HMGCLL1: variants seen among roughly 807,000 people sequenced by gnomAD.
The protein encoded by HMGCLL1 is 3-hydroxy-3-methylglutaryl-CoA lyase like 1.
Under a neutral mutation model 39.1 loss-of-function variants are expected in HMGCLL1, and 36 were observed. That is an observed-to-expected ratio of 0.92 (90% CI 0.71 to 1.22). The LOEUF (loss-of-function observed/expected upper bound fraction) is 1.22, where lower values mean the gene tolerates loss of function less well. HMGCLL1 is among the 50% of genes most tolerant of loss of function. The pLI is 0.00. For missense variants in HMGCLL1, 451 were observed against 416.5 expected (o/e 1.08, Z -0.72); for synonymous variants, 149 against 144.0 (o/e 1.03, Z -0.25).
intron 7 of HMGCLL1, among the ~76,000 whole-genome samples, chr6:55,459,910 T>A (rs1259839286): frequency 6.6e-6 from 1 of 152,038 alleles, no homozygotes; most frequent in Non-Finnish European, 1.5e-5. Flanking sequence ...TATGTTTGTA[T>A]TTTGGTTACA....
intron 3 of HMGCLL1, among the ~76,000 whole-genome samples, chr6:55,539,093 T>C (rs1171206274): frequency 6.6e-6 from 1 of 152,178 alleles, no homozygotes; most frequent in Non-Finnish European, 1.5e-5. Context: ...GGTAAAGTGC[T>C]ATATGGACAA....
chr6:55,640,272 A>G, the HMGCLL1 span, among the ~76,000 whole-genome samples: 11,987 of 152,150 alleles, frequency 0.079, 676 homozygotes, highest in East Asian at 0.23. Flanking sequence ...CAAATAACAA[A>G]CAAACTAAAT....
intron 1 of HMGCLL1, among the ~76,000 whole-genome samples, chr6:55,555,627 A>G (rs780232001): frequency 6.6e-5 from 10 of 152,240 alleles, no homozygotes; most frequent in Non-Finnish European, 1.5e-4. Flanking sequence ...CAGATTTCAA[A>G]GAAGCGATGA....
the HMGCLL1 span, among the ~76,000 whole-genome samples, chr6:55,609,694 T>G: frequency 6.6e-6 from 1 of 152,146 alleles, no homozygotes; most frequent in Admixed American, 6.5e-5. Context: ...CTTCATTAAA[T>G]GGGTCCTTGT....
At chr6:55,598,382 T>C in the HMGCLL1 span, among the ~76,000 whole-genome samples, 1 of 152,312 alleles carries the variant, frequency 6.6e-6, no homozygotes, top group South Asian at 2.1e-4. Flanking sequence ...ATGCCAACAG[T>C]AGTTGAAACC....
intron 3 of HMGCLL1, among the ~76,000 whole-genome samples, chr6:55,526,224 G>A (rs1013999499): frequency 4.0e-5 from 6 of 151,856 alleles, no homozygotes; most frequent in Non-Finnish European, 8.8e-5. Context: ...AATGTCTGCA[G>A]CATTATGCCC....
At chr6:55,477,265 T>A (rs1244091013) in intron 7 of HMGCLL1, among the ~76,000 whole-genome samples, 1 of 21,334 alleles carries the variant, frequency 4.7e-5, no homozygotes, top group Non-Finnish European at 6.3e-5. Context: ...ATATATATTA[T>A]ATAATATATA....
At chr6:55,553,438 C>T (rs186547348) in intron 1 of HMGCLL1, among the ~76,000 whole-genome samples, 60 of 149,204 alleles carry the variant, frequency 4.0e-4, no homozygotes, top group Non-Finnish European at 5.9e-4. Context: ...ACTCCGTCTC[C>T]AAAGAAAAAA....
chr6:55,642,480 G>A, the HMGCLL1 span, among the ~76,000 whole-genome samples: 4 of 152,094 alleles, frequency 2.6e-5, no homozygotes, highest in East Asian at 3.9e-4. Context: ...TTATGGGTAT[G>A]TATAGGCATA....
chr6:55,475,693 T>C (rs1029055331), intron 7 of HMGCLL1, among the ~76,000 whole-genome samples: 3 of 151,708 alleles, frequency 2.0e-5, no homozygotes, highest in Admixed American at 1.3e-4. Flanking sequence ...ACTGTTAGCC[T>C]TTCTCATGTG....
At chr6:55,647,838 A>G in the HMGCLL1 span, among the ~76,000 whole-genome samples, 1 of 115,202 alleles carries the variant, frequency 8.7e-6, no homozygotes, top group Non-Finnish European at 1.7e-5. Flanking sequence ...TTACATATGT[A>G]TACATGTGCC....
chr6:55,450,193 A>G (rs554395749), intron 7 of HMGCLL1, among the ~76,000 whole-genome samples: 2 of 152,228 alleles, frequency 1.3e-5, no homozygotes, highest in Non-Finnish European at 2.9e-5. Flanking sequence ...TACCACAGTG[A>G]TGAGTGCAAC....
intron 7 of HMGCLL1, among the ~76,000 whole-genome samples, chr6:55,450,175 C>T (rs4490651): frequency 0.99 from 151,338 of 152,290 alleles, 75,209 homozygotes; most frequent in Middle Eastern, 1. Context: ...AACGTTTCTC[C>T]AAATACATAC....
the HMGCLL1 span, among the ~76,000 whole-genome samples, chr6:55,674,745 T>C: frequency 6.6e-6 from 1 of 152,000 alleles, no homozygotes; most frequent in Non-Finnish European, 1.5e-5. Flanking sequence ...AATTCAGGGC[T>C]TAGGGCTTTT....
chr6:55,524,996 AT>A (rs1768241065), intron 3 of HMGCLL1, among the ~76,000 whole-genome samples: 1 of 151,602 alleles, frequency 6.6e-6, no homozygotes, highest in African/African-American at 2.4e-5. Flanking sequence ...AATTAATATT[AT>A]CTGTTATAGA....
intron 3 of HMGCLL1, among the ~76,000 whole-genome samples, chr6:55,516,940 G>C (rs185803577): frequency 7.9e-5 from 12 of 152,100 alleles, no homozygotes; most frequent in Non-Finnish European, 5.9e-5. Flanking sequence ...ACTGGGGAAA[G>C]TTGGAAAGGC....
chr6:55,659,671 T>G, the HMGCLL1 span, among the ~76,000 whole-genome samples: 104 of 152,050 alleles, frequency 6.8e-4, no homozygotes, highest in African/African-American at 2.4e-3. Context: ...AAAATTCTCA[T>G]GTTTTTTGAT....
chr6:55,530,061 T>A (rs1768563754), intron 3 of HMGCLL1, among the ~76,000 whole-genome samples: 1 of 95,850 alleles, frequency 1.0e-5, no homozygotes, highest in South Asian at 3.3e-4. Flanking sequence ...ACCTGGAGGA[T>A]CTGGTGGGGG....
chr6:55,471,417 G>A (rs183251363), intron 7 of HMGCLL1, among the ~76,000 whole-genome samples: 3 of 151,684 alleles, frequency 2.0e-5, no homozygotes, highest in African/African-American at 7.3e-5. Context: ...GATTTACCAG[G>A]TATATACCAA....
Sources: gnomAD v4.1 joint callset for allele counts (sites outside exome capture counted in the v4.1 genomes callset) on GRCh38, gnomAD v4.1.1 for gene constraint, MANE v1.5 for transcripts, NCBI Gene and HGNC (gene_info 2026-07-23, HGNC 2026-07-21) for gene names.